The following CNKSR1 variants were observed in gnomAD, a reference collection of about 807,000 sequenced individuals.
CNKSR1 encodes the protein CNK homolog protein 1.
Under a neutral mutation model 95.6 loss-of-function variants are expected in CNKSR1, and 88 were observed. The ratio of observed to expected loss-of-function variants is 0.92; its 90% CI spans 0.78 to 1.10. The LOEUF is 1.10. Ranked by LOEUF, CNKSR1 falls within the 50% of genes least tolerant of loss-of-function variation. The probability of loss-of-function intolerance (pLI) is 0.00; values close to 1 mark genes in which losing one functional copy is unlikely to be tolerated. For missense variants in CNKSR1, 836 were observed against 912.0 expected (o/e 0.92, Z 1.07); for synonymous variants, 355 against 369.7 (o/e 0.96, Z 0.46).
intron 14 of CNKSR1, among the ~76,000 whole-genome samples, chr1:26,186,740 C>CT (rs1423427863): frequency 6.6e-6 from 1 of 152,124 alleles, no homozygotes; most frequent in Non-Finnish European, 1.5e-5. Context: ...TCCCAAAGTG[C>CT]TGGGATTACA....
intron 1 of CNKSR1, among the ~76,000 whole-genome samples, chr1:26,178,827 A>G (rs2088601472): frequency 6.6e-6 from 1 of 152,232 alleles, no homozygotes; most frequent in South Asian, 2.1e-4. Flanking sequence ...AGCCCAATAC[A>G]GTCACCGTGC....
In CNKSR1 at chr1:26,184,402, C is replaced by T. The variant is rs1362226799; in HGVS notation, c.1002C>T (p.Asp334=). 6.2e-7 allele frequency: 1 copy of T among 1,612,604 alleles called. No individual in the cohort carries two copies. The highest frequency in any genetic ancestry group is 8.5e-7 in the Non-Finnish European group (1 of 1,178,976). Residue 334 remains aspartate (D), a splice_region_variant and synonymous_variant, in exon 12 of 21, where the codon GAC becomes GAT. Coordinates refer to ENST00000361530, the MANE Select transcript of CNKSR1 (RefSeq NM_006314.3). ...CTCTCTCTCCTCCCTCCCTGACAGA[C>T]TCTGCCTCCCTTGGCCCTGAGCCCC... ...PSPGPSPAWT[D]SASLGPEPLP... is the part of the protein sequence containing the mutation.
intron 13 of CNKSR1, 117 bp downstream of exon 13, chr1:26,184,729 C>A: frequency 7.9e-7 from 1 of 1,268,628 alleles, no homozygotes; most frequent in African/African-American, 1.5e-5. Context: ...GGAAACAGCT[C>A]TGTTTCTAGG....
intron 4 of CNKSR1, 163 bp from the exon 5 acceptor site, chr1:26,182,198 G>A (rs114986341): frequency 3.2e-4 from 242 of 757,024 alleles, no homozygotes; most frequent in African/African-American, 2.5e-3. Flanking sequence ...TCAGGGAAAC[G>A]AGCCCTCTGG....
chr1:26,181,006 G>T, intron 3 of CNKSR1, 110 bp downstream of exon 3: 1 of 1,390,234 alleles, frequency 7.2e-7, no homozygotes, highest in Non-Finnish European at 1.0e-6. Flanking sequence ...TGAGCCAGGC[G>T]TGGTGGCTTA....
Position 26,184,965 on chromosome 1 carries a change from G to T in CNKSR1, c.1136-49G>T, listed in dbSNP as rs1364916943. ...GGAAGGCAGGGAGTAGGTTTAGCGG[G>T]GGCACCTTGCCAGCCCCTCACTGCC... On this transcript the variant is annotated intron_variant, in intron 13 of 20. Transcript: ENST00000361530. 1.9e-6 allele frequency: 3 copies of T among 1,538,506 alleles called. No individual in the cohort carries two copies. In the Admixed American group the frequency reaches 5.8e-5, roughly 30 times the overall value.
rs760115070 is a variant in CNKSR1, at chr1:26,182,403, G to GT, written c.519+2dup. 4.3e-6 allele frequency: 7 copies of GT among 1,614,040 alleles called. No homozygotes were observed. Among genetic ancestry groups the GT allele is most frequent in the Non-Finnish European group, 5.1e-6 (6 of 1,179,966 alleles). On this transcript the variant is annotated splice_donor_variant, in intron 5 of 20. Transcript: ENST00000361530. LOFTEE classifies it high-confidence loss of function. Reference sequence around the variant, plus strand: ...GAAGGAGGGCACAGTCCTGAGGATCGTGAGTCTGTGGGGTGGGAAGAGAGT... The same window carrying GT: ...GAAGGAGGGCACAGTCCTGAGGATCGTTGAGTCTGTGGGGTGGGAAGAGAGT...
intron 1 of CNKSR1, among the ~76,000 whole-genome samples, chr1:26,178,540 C>G (rs917769642): frequency 1.3e-5 from 2 of 152,196 alleles, no homozygotes; most frequent in African/African-American, 4.8e-5. Flanking sequence ...CAGGAGCAGG[C>G]AGTCAGGACA....
intron 18 of CNKSR1, 33 bp from the exon 19 acceptor site, chr1:26,188,565 A>G (rs375762941): frequency 4.3e-6 from 7 of 1,612,670 alleles, no homozygotes; most frequent in African/African-American, 2.7e-5. Flanking sequence ...GAGCTCAGAC[A>G]GAAACCCTCT....
intron 1 of CNKSR1, among the ~76,000 whole-genome samples, chr1:26,177,835 C>T (rs2088586905): frequency 6.6e-6 from 1 of 152,098 alleles, no homozygotes; most frequent in Non-Finnish European, 1.5e-5. Context: ...GGGGTGGTGG[C>T]AGGTGCCTGT....
Position 26,189,747 on chromosome 1 carries a change from C to T in CNKSR1, c.*199C>T, listed in dbSNP as rs1370332079. ...CTTGCCAAAGAAGAAACTCTCCCCC[C>T]AAATCCTCCAACCTCTGGGGCCACA... On this transcript the variant is annotated 3_prime_UTR_variant, in exon 21 of 21. Transcript: ENST00000361530. 2 of 700,000 alleles carry T rather than the reference C, an allele frequency of 2.9e-6. No homozygotes were observed. Among genetic ancestry groups the T allele is most frequent in the Admixed American group, 2.0e-5 (1 of 50,028 alleles). The allele number at this position is 700,000 out of a possible 1,614,324, so 43.4% of individuals were successfully genotyped here. A position where few individuals can be genotyped will look rare whatever the true frequency, so the allele number is the denominator to read the frequency against.
In CNKSR1 at chr1:26,184,108, G is replaced by A; in HGVS notation, c.893G>A (p.Ser298Asn). Residue 298 changes from serine (S) to asparagine (N), a missense_variant, in exon 10 of 21, where the codon AGC becomes AAC. Ser to Asn is a conservative substitution (Grantham distance 46, BLOSUM62 1). Coordinates refer to ENST00000361530, the MANE Select transcript of CNKSR1 (RefSeq NM_006314.3). The stretch of plus-strand genomic sequence containing the variant: ...GTCCTGGACTCCCCGCACCAGAGGA[G>A]CCCATCACTGTCTCTGGCCCCACTG... ...PQVLDSPHQR[S>N]PSLSLAPLSP... The A allele has an allele frequency of 6.2e-7, 1 of 1,612,014 alleles. No individual in the cohort carries two copies. The highest frequency in any genetic ancestry group is 8.5e-7 in the Non-Finnish European group (1 of 1,179,576).
rs778969076 is a variant in CNKSR1 at position 26,182,331 on chromosome 1, G to A, written c.478-30G>A. On this transcript the variant is annotated intron_variant, in intron 4 of 20. Transcript: ENST00000361530. ...GTCCCCTTATGGCCCTTGCTCAGGGGAGGCCCCTGCTCTCTCATTCTACTT... is the reference window on the plus strand; with the variant it reads ...GTCCCCTTATGGCCCTTGCTCAGGGAAGGCCCCTGCTCTCTCATTCTACTT... The A allele has an allele frequency of 2.0e-5, 32 of 1,613,450 alleles. No individual in the cohort carries two copies. In the South Asian group the frequency reaches 3.0e-4, roughly 15 times the overall value.
At position 26,183,397 on chromosome 1, in the gene CNKSR1, A is replaced by G. The variant is rs1282522468; in HGVS notation, c.736A>G (p.Ile246Val). 2 of 1,614,152 alleles carry G rather than the reference A, an allele frequency of 1.2e-6. No individual in the cohort carries two copies. The highest frequency in any genetic ancestry group is 1.1e-5 in the South Asian group (1 of 91,086). Residue 246 changes from isoleucine to valine, a missense_variant, in exon 8 of 21, where the codon ATC becomes GTC. By Grantham distance (29) the Ile-to-Val change is conservative. Transcript: ENST00000361530. The stretch of plus-strand genomic sequence containing the variant: ...CCAGCCTGGAGACGAGGTTGTCCAG[A>G]TCAACGAGCAGGTGGTGGTGCGTGA... ...QIQPGDEVVQ[I>V]NEQVVVGWPR...
intron 20 of CNKSR1, 122 bp from the exon 21 acceptor site, chr1:26,189,157 C>T (rs1437133842): frequency 4.4e-6 from 6 of 1,366,342 alleles, no homozygotes; most frequent in Non-Finnish European, 5.2e-6. Flanking sequence ...CACCTAGGCT[C>T]CTCGTGCCAC....
At chr1:26,181,435 C>T (rs547942610) in intron 3 of CNKSR1, among the ~76,000 whole-genome samples, 1 of 152,092 alleles carries the variant, frequency 6.6e-6, no homozygotes, top group Non-Finnish European at 1.5e-5. Context: ...GCCTCCCCAA[C>T]CCTGTGCACT....
chr1:26,189,108 C>T (rs1003251007), intron 20 of CNKSR1, among the ~76,000 whole-genome samples, 155 bp downstream of exon 20: 4 of 152,192 alleles, frequency 2.6e-5, no homozygotes, highest in Non-Finnish European at 5.9e-5. Context: ...CAGCTGTGGA[C>T]TGGGCCAGGC....
chr1:26,189,510 C>T lies in CNKSR1; in HGVS notation c.2104C>T (p.Leu702=), dbSNP rs2088827513. Residue 702 remains leucine, a synonymous_variant, in exon 21 of 21, where the codon CTG becomes TTG. Coordinates refer to ENST00000361530, the MANE Select transcript of CNKSR1 (RefSeq NM_006314.3). ...TGAAGAGCACTCCCATCTCTGCCCC[C>T]TGACCTCAGAGAGCAGCCTCCGACC... The part of the protein sequence containing the change: ...DPEEHSHLCP[L]TSESSLRPPD... 6.2e-7 allele frequency: 1 copy of T among 1,601,286 alleles called. No homozygotes were observed. The highest frequency in any genetic ancestry group is 8.6e-7 in the Non-Finnish European group (1 of 1,168,376).
rs2088813385 is a variant in CNKSR1, at chr1:26,188,958, G to A, written c.1872+5G>A. 2 of 1,612,648 alleles carry A rather than the reference G, an allele frequency of 1.2e-6. No individual in the cohort carries two copies. Among genetic ancestry groups the A allele is most frequent in the African/African-American group, 1.3e-5 (1 of 74,894 alleles). Reference sequence around the variant, plus strand: ...GCGCTACAGAGCACACTCAAGGTCAGCTGGGGGGCTCTGGGCACAGCAAGG... The same window carrying A: ...GCGCTACAGAGCACACTCAAGGTCAACTGGGGGGCTCTGGGCACAGCAAGG... On this transcript the variant is annotated splice_donor_5th_base_variant and intron_variant, in intron 20 of 20. Coordinates refer to ENST00000361530, the MANE Select transcript of CNKSR1 (RefSeq NM_006314.3).
Sources: allele counts gnomAD v4.1 joint callset (sites outside exome capture counted in the v4.1 genomes callset), GRCh38; gene constraint gnomAD v4.1.1; transcripts MANE v1.5; gene names NCBI Gene and HGNC (gene_info 2026-07-23, HGNC 2026-07-21).